Variants in PWWP2A observed in about 807,000 individuals in gnomAD.
PWWP2A encodes the protein PWWP domain-containing protein 2A.
In PWWP2A, 18 loss-of-function variants were observed where a neutral mutation model predicts 48.5. The ratio of observed to expected loss-of-function variants is 0.37; its 90% CI spans 0.26 to 0.55. The LOEUF (loss-of-function observed/expected upper bound fraction) is 0.55. Ranked by LOEUF, PWWP2A falls within the 20% of genes least tolerant of loss-of-function variation. The pLI is 0.81. For missense variants in PWWP2A, 867 were observed against 976.4 expected, an observed-to-expected ratio of 0.89 and a Z score of 1.49; for synonymous variants, 396 against 387.7, an observed-to-expected ratio of 1.02 and a Z score of -0.25.
At chr5:160,103,506 G>T (rs182039305) in intron 1 of PWWP2A, among the ~76,000 whole-genome samples, 1 of 152,240 alleles carries the variant, frequency 6.6e-6, no homozygotes, top group East Asian at 1.9e-4. Flanking sequence ...GGTGAGACCA[G>T]AATGTACCAG....
At chr5:160,117,649 T>G (rs1758278358) in intron 1 of PWWP2A, among the ~76,000 whole-genome samples, 1 of 149,638 alleles carries the variant, frequency 6.7e-6, no homozygotes, top group African/African-American at 2.5e-5. Context: ...AGAGTGAGAC[T>G]CCGTCTCAAA....
chr5:160,093,621 A>G lies in PWWP2A; in HGVS notation c.1029T>C (p.Thr343=). Residue 343 remains threonine, a synonymous_variant, in exon 2 of 2, where the codon ACT becomes ACC. Coordinates refer to ENST00000307063, the MANE Select transcript of PWWP2A (RefSeq NM_001130864.2). This position sits in a 1 kb window ranked among gnomAD's most constrained non-coding sequence, Gnocchi z 5.8. ...KKEIRKGSSA[T]DSSKYEDKKR... ...TTTTATCTTCATATTTAGAAGAGTCAGTTGCACTACTACCTTTTCTAATTT... is the reference window on the plus strand; with the variant it reads ...TTTTATCTTCATATTTAGAAGAGTCGGTTGCACTACTACCTTTTCTAATTT... 6.2e-7 allele frequency: 1 copy of G among 1,613,968 alleles called. No homozygotes were observed.
the PWWP2A span, among the ~76,000 whole-genome samples, chr5:160,053,638 C>T: frequency 6.6e-6 from 1 of 152,130 alleles, no homozygotes; most frequent in Non-Finnish European, 1.5e-5. Flanking sequence ...TATTCAGGAT[C>T]ACTTTAGCTT....
intron 1 of PWWP2A, among the ~76,000 whole-genome samples, chr5:160,112,615 C>A (rs1757706057): frequency 6.6e-6 from 1 of 152,072 alleles, no homozygotes; most frequent in Non-Finnish European, 1.5e-5. Context: ...CATTTATGGG[C>A]CAAAGAAAGC....
At chr5:160,112,736 G>C (rs1757720263) in intron 1 of PWWP2A, among the ~76,000 whole-genome samples, 1 of 151,900 alleles carries the variant, frequency 6.6e-6, no homozygotes, top group Non-Finnish European at 1.5e-5. Context: ...AAGTTTGTTT[G>C]CTTGTGTCTA....
intron 1 of PWWP2A, 143 bp downstream of exon 1, chr5:160,118,662 A>G: frequency 1.2e-6 from 1 of 804,626 alleles, no homozygotes; most frequent in Non-Finnish European, 1.7e-6. Context: ...CCCCACTCGG[A>G]GCGCGCGCCA....
downstream of PWWP2A, chr5:160,090,849 A>T (rs1755002346): frequency 1.0e-6 from 1 of 984,804 alleles, no homozygotes; most frequent in Admixed American, 6.1e-5. Flanking sequence ...ACTTGCCTCC[A>T]CAGCCAATCA....
chr5:160,101,579 G>A (rs993833114), intron 1 of PWWP2A, among the ~76,000 whole-genome samples: 6 of 152,010 alleles, frequency 3.9e-5, no homozygotes, highest in African/African-American at 7.3e-5. Flanking sequence ...AAAAACTTCC[G>A]GAGATCTGTT....
downstream of PWWP2A, among the ~76,000 whole-genome samples, chr5:160,087,320 G>C (rs1288762773): frequency 1.3e-5 from 2 of 150,090 alleles, no homozygotes; most frequent in East Asian, 4.0e-4. Flanking sequence ...ACCCCAGGAA[G>C]TCTAGGCTGT....
At position 160,091,345 on chromosome 5, in the gene PWWP2A, T is replaced by C; in HGVS notation, c.*1037A>G. 1 of 979,830 alleles carries C rather than the reference T, an allele frequency of 1.0e-6. No homozygotes were observed. Among genetic ancestry groups the C allele is most frequent in the Non-Finnish European group, 1.2e-6 (1 of 825,204 alleles). 60.7% of individuals were successfully genotyped at this position (979,830 alleles called of 1,614,324 possible). ...GAGAAACACACACAAATAATTTGGA[T>C]TTAGTTGATTTTATTTACAGCTTTT... On this transcript the variant is annotated 3_prime_UTR_variant, in exon 2 of 2. Coordinates refer to ENST00000307063, the MANE Select transcript of PWWP2A (RefSeq NM_001130864.2).
chr5:160,082,310 A>G (rs939081639), intron 2 of PWWP2A, among the ~76,000 whole-genome samples: 46 of 151,748 alleles, frequency 3.0e-4, no homozygotes, highest in African/African-American at 1.1e-3. Context: ...CGGGCGTGGT[A>G]GCGGGCGCCT....
intron 1 of PWWP2A, among the ~76,000 whole-genome samples, chr5:160,118,409 C>A (rs774019792): frequency 3.0e-4 from 46 of 152,232 alleles, no homozygotes; most frequent in Admixed American, 4.6e-4. Flanking sequence ...TCCTCGCAAG[C>A]AATGCCCCCC....
chr5:160,074,469 C>T (rs1219471559), downstream of PWWP2A, among the ~76,000 whole-genome samples: 2 of 147,496 alleles, frequency 1.4e-5, no homozygotes, highest in Non-Finnish European at 3.0e-5. Context: ...AAATAAAGTC[C>T]AGGCACAGTT....
At chr5:160,059,729 G>A (rs4509063), downstream of PWWP2A, among the ~76,000 whole-genome samples, 87,589 of 151,980 alleles carry the variant, frequency 0.58, 25,352 homozygotes, top group East Asian at 0.62. Context: ...TGTCTTATGC[G>A]GGTGCAGTTC....
At chr5:160,102,498 T>G (rs1756424224) in intron 1 of PWWP2A, among the ~76,000 whole-genome samples, 1 of 150,882 alleles carries the variant, frequency 6.6e-6, no homozygotes, top group Non-Finnish European at 1.5e-5. Flanking sequence ...GGAGTTTAAT[T>G]AAGTCCAGCC....
chr5:160,054,440 C>T, the PWWP2A span, among the ~76,000 whole-genome samples: 2 of 152,166 alleles, frequency 1.3e-5, no homozygotes, highest in Middle Eastern at 3.4e-3. Flanking sequence ...ATGGCAAGAC[C>T]CCCATCTCTG....
chr5:160,104,760 G>A (rs543695917), intron 1 of PWWP2A, among the ~76,000 whole-genome samples: 5 of 152,192 alleles, frequency 3.3e-5, no homozygotes, highest in Middle Eastern at 6.8e-3. Context: ...AGCCAAGATC[G>A]TGCCACTGCA....
chr5:160,049,259 ATTATCTG>A, the PWWP2A span, among the ~76,000 whole-genome samples: 3 of 152,196 alleles, frequency 2.0e-5, no homozygotes, highest in Admixed American at 2.0e-4. Flanking sequence ...TTGTTTACAT[ATTATCTG>A]TGCCTGCTCT....
chr5:160,093,326 T>G lies in PWWP2A; in HGVS notation c.1324A>C (p.Lys442Gln), dbSNP rs769384848. The change falls in exon 2 of 2, where the codon AAG (lysine) becomes CAG (glutamine). Residue 442 changes from lysine (K) to glutamine (Q), a missense_variant. Transcript: ENST00000307063. This position sits in a 1 kb window ranked among gnomAD's most constrained non-coding sequence, Gnocchi z 5.8. Reference protein sequence around the residue: ...LKIAKEKAQKKQNETSTSKNA... With the variant: ...LKIAKEKAQKQQNETSTSKNA... ...TTGGAAGTAGAGGTTTCATTTTGCT[T>G]CTTTTGTGCCTTTTCTTTGGCAATT... is the stretch of plus-strand genomic sequence containing the variant. 5 of 1,613,912 alleles carry G rather than the reference T, an allele frequency of 3.1e-6. 1 individual carries two copies. The highest frequency in any genetic ancestry group is 4.2e-6 in the Non-Finnish European group (5 of 1,179,828).
Sources: gnomAD v4.1 joint callset for allele counts (sites outside exome capture counted in the v4.1 genomes callset) on GRCh38, gnomAD v4.1.1 for gene constraint, Gnocchi (gnomAD v3.1) non-coding constraint, MANE v1.5 for transcripts, NCBI Gene and HGNC (gene_info 2026-07-23, HGNC 2026-07-21) for gene names.